The following MACO1 variants were observed in gnomAD, a reference collection of about 807,000 sequenced individuals.
MACO1 encodes macoilin.
In MACO1, 14 loss-of-function variants were observed where a neutral mutation model predicts 78.7. The observed-to-expected ratio is 0.18, with a 90% CI of 0.12 to 0.28. The LOEUF is 0.28. MACO1 is among the 10% of genes least tolerant of loss of function. The pLI is 1.00. For synonymous variants in MACO1, 288 were observed against 291.6 expected (o/e 0.99, Z 0.12); for missense variants, 501 against 799.0 (o/e 0.63, Z 4.50).
intron 1 of MACO1, among the ~76,000 whole-genome samples, chr1:25,434,514 C>T (rs1483836526): frequency 6.6e-6 from 1 of 152,094 alleles, no homozygotes; most frequent in African/African-American, 2.4e-5. Context: ...TAAATTTGTA[C>T]AGTGGTTTAG....
chr1:25,437,669 C>G (rs2042931662), intron 1 of MACO1, among the ~76,000 whole-genome samples: 1 of 152,118 alleles, frequency 6.6e-6, no homozygotes, highest in African/African-American at 2.4e-5. Context: ...GCTGTAACCC[C>G]AGCACTTTGG....
intron 1 of MACO1, among the ~76,000 whole-genome samples, chr1:25,433,474 G>A (rs1401783014): frequency 6.6e-6 from 1 of 152,126 alleles, no homozygotes; most frequent in African/African-American, 2.4e-5. Context: ...ACAACATGTG[G>A]CCAATTTTGG....
intron 1 of MACO1, 73 bp from the exon 2 acceptor site, chr1:25,446,689 G>C: frequency 7.0e-7 from 1 of 1,438,406 alleles, no homozygotes; most frequent in Non-Finnish European, 9.3e-7. Context: ...GTTTTAAACA[G>C]AAACAGTGAA....
chr1:25,448,572 C>G (rs990537050), intron 2 of MACO1, among the ~76,000 whole-genome samples: 5 of 152,166 alleles, frequency 3.3e-5, no homozygotes, highest in Non-Finnish European at 5.9e-5. Context: ...TGATCCAGTT[C>G]TTTTTCATGA....
At chr1:25,497,367 C>G (rs1468987372) in intron 10 of MACO1, among the ~76,000 whole-genome samples, 4 of 117,554 alleles carry the variant, frequency 3.4e-5, no homozygotes, top group East Asian at 2.5e-4. Flanking sequence ...GCAACAAGAG[C>G]AAAACTCCAT....
chr1:25,481,523 C>T (rs1035171613), intron 6 of MACO1, among the ~76,000 whole-genome samples: 15 of 152,170 alleles, frequency 9.9e-5, no homozygotes, highest in African/African-American at 3.6e-4. Context: ...AAAACTCACC[C>T]TTTCTACTGA....
chr1:25,495,403 CA>C (rs1557678827), intron 10 of MACO1, among the ~76,000 whole-genome samples: 1 of 152,154 alleles, frequency 6.6e-6, no homozygotes, highest in Non-Finnish European at 1.5e-5. Context: ...GCTTATATAT[CA>C]GATGCTTTTA....
chr1:25,467,331 A>G (rs1186687439), intron 6 of MACO1, among the ~76,000 whole-genome samples: 1 of 152,172 alleles, frequency 6.6e-6, no homozygotes, highest in Non-Finnish European at 1.5e-5. Context: ...GCTGTCCTGA[A>G]GTTTCAAGGC....
rs769561088 is a variant in MACO1 at position 25,458,468 on chromosome 1, T to G, written c.730T>G (p.Ser244Ala). The change falls in exon 6 of 11, where the codon TCC becomes GCC. Residue 244 changes from serine to alanine, a missense_variant. This residue lies in a region of MACO1 where 90 missense variants were observed against 85.7 expected (regional missense o/e 1.05). Coordinates refer to ENST00000374343, the MANE Select transcript of MACO1 (RefSeq NM_018202.6). ...AGGTATCCCAGCCAACAAAAAACTC[T>G]CCACAACTTTGCCAGAGATAGAATA... ...NGGIPANKKL[S>A]TTLPEIEYRE... 6.2e-7 allele frequency: 1 copy of G among 1,613,664 alleles called. No individual in the cohort carries two copies. The highest frequency in any genetic ancestry group is 1.1e-5 in the South Asian group (1 of 91,044).
chr1:25,490,710 T>C (rs1001380114), intron 9 of MACO1, among the ~76,000 whole-genome samples: 3 of 152,216 alleles, frequency 2.0e-5, no homozygotes, highest in Non-Finnish European at 2.9e-5. Flanking sequence ...AGGAATATTG[T>C]ACAGCCAATA....
At chr1:25,442,603 G>A (rs2042982000) in intron 1 of MACO1, among the ~76,000 whole-genome samples, 1 of 152,188 alleles carries the variant, frequency 6.6e-6, no homozygotes, top group African/African-American at 2.4e-5. Flanking sequence ...TAAGAAGAAT[G>A]TTGAATACTG....
At position 25,495,826 on chromosome 1, in the gene MACO1, A is replaced by G. The variant is rs147718032; in HGVS notation, c.1793-2438A>G. On this transcript the variant is annotated intron_variant, in intron 10 of 10. Transcript: ENST00000374343. ...AAAATACAAAAATTTGCTAGGTGTG[A>G]TGGCACACGCCTGTAACCCCAGCTA... 3.3e-3 allele frequency among the ~76,000 whole-genome samples: 499 copies of G among 152,236 alleles called. 1 individual carries two copies. Among genetic ancestry groups the G allele is most frequent in the African/African-American group, 0.011 (461 of 41,532 alleles).
chr1:25,454,557 A>G (rs1402343777), intron 4 of MACO1, among the ~76,000 whole-genome samples, 175 bp downstream of exon 4: 3 of 146,286 alleles, frequency 2.1e-5, no homozygotes, highest in Non-Finnish European at 4.5e-5. Flanking sequence ...GATCTTGGTT[A>G]TGCAACCTCT....
intron 2 of MACO1, among the ~76,000 whole-genome samples, chr1:25,448,316 T>A (rs2043033576): frequency 6.6e-6 from 1 of 151,850 alleles, no homozygotes; most frequent in African/African-American, 2.4e-5. Context: ...TACAAAAAAT[T>A]AGTTGGGTGT....
At chr1:25,442,818 A>T (rs1374866429) in intron 1 of MACO1, among the ~76,000 whole-genome samples, 2 of 152,218 alleles carry the variant, frequency 1.3e-5, no homozygotes, top group Non-Finnish European at 2.9e-5. Flanking sequence ...AGCTTACAAG[A>T]CCATCAGAAG....
intron 6 of MACO1, among the ~76,000 whole-genome samples, chr1:25,461,364 T>C (rs981267299): frequency 6.6e-6 from 1 of 152,018 alleles, no homozygotes; most frequent in African/African-American, 2.4e-5. Flanking sequence ...AGTATAATAA[T>C]AATAAAATAA....
chr1:25,443,790 A>G (rs2042991961), intron 1 of MACO1, among the ~76,000 whole-genome samples: 1 of 152,182 alleles, frequency 6.6e-6, no homozygotes, highest in South Asian at 2.1e-4. Context: ...TTTGGGCAGA[A>G]AGCAATTGGT....
At chr1:25,495,371 C>T (rs1203807201) in intron 10 of MACO1, among the ~76,000 whole-genome samples, 3 of 152,086 alleles carry the variant, frequency 2.0e-5, no homozygotes, top group Non-Finnish European at 4.4e-5. Flanking sequence ...AAACTTAAAT[C>T]GGCAGGGAAA....
chr1:25,478,916 T>C (rs1404393367), intron 6 of MACO1, among the ~76,000 whole-genome samples: 1 of 152,244 alleles, frequency 6.6e-6, no homozygotes, highest in African/African-American at 2.4e-5. Context: ...GACTAAGCCT[T>C]ATTAAAGCTT....
Sources: gnomAD v4.1 joint callset for allele counts (sites outside exome capture counted in the v4.1 genomes callset) on GRCh38, gnomAD v4.1.1 for gene constraint, gnomAD v4.1.1 regional missense constraint, MANE v1.5 for transcripts, NCBI Gene and HGNC (gene_info 2026-07-23, HGNC 2026-07-21) for gene names.